Variants in LTBP2 observed in about 807,000 individuals in gnomAD.
The protein encoded by LTBP2 is latent transforming growth factor beta binding protein 2.
LTBP2 carries 103 observed loss-of-function variants against 210.6 expected under a neutral mutation model. The observed-to-expected ratio is 0.49, with a 90% CI of 0.42 to 0.58. The LOEUF is 0.58. LTBP2 is among the 20% of genes least tolerant of loss of function. The probability of loss-of-function intolerance (pLI) is 0.00; values close to 1 mark genes in which losing one functional copy is unlikely to be tolerated. For synonymous variants in LTBP2, 1,007 were observed against 1,015.0 expected (o/e 0.99, Z 0.15); for missense variants, 2,313 against 2,494.5 (o/e 0.93, Z 1.55).
intron 8 of LTBP2, among the ~76,000 whole-genome samples, chr14:74,543,542 C>CTTCCTTCCT (rs1185987542): frequency 7.3e-4 from 89 of 121,816 alleles, no homozygotes; most frequent in African/African-American, 2.7e-3. Flanking sequence ...TCCCTTTTTC[C>CTTCCTTCCT]TCCCTCCCTC....
chr14:74,606,519 C>T (rs2088528974), intron 1 of LTBP2, among the ~76,000 whole-genome samples: 1 of 152,212 alleles, frequency 6.6e-6, no homozygotes, highest in East Asian at 1.9e-4. Flanking sequence ...TTGCATACTC[C>T]AAGACTTCCA....
chr14:74,501,456 G>A lies in LTBP2; in HGVS notation c.5305C>T (p.His1769Tyr). The A allele has an allele frequency of 6.2e-7, 1 of 1,614,138 alleles. No individual in the cohort carries two copies. Among genetic ancestry groups the A allele is most frequent in the Non-Finnish European group, 8.5e-7 (1 of 1,180,028 alleles). ...CFEGFQLDAA[H>Y]MACVDVNECD... ...CTGCACTTACCTACGCAGGCCATGT[G>A]GGCCGCATCCAGCTGGAAGCCCTCA... Residue 1769 changes from histidine (H) to tyrosine (Y), a missense_variant, in exon 35 of 36, where the codon CAC becomes TAC. His to Tyr is a moderately conservative substitution (Grantham distance 83). Coordinates refer to ENST00000261978, the MANE Select transcript of LTBP2 (RefSeq NM_000428.3).
chr14:74,551,728 A>G (rs11625990), intron 6 of LTBP2, among the ~76,000 whole-genome samples: 72,668 of 152,062 alleles, frequency 0.48, 19,481 homozygotes, highest in Non-Finnish European at 0.61. Flanking sequence ...GCCTAACTGC[A>G]GTCCATCCCC....
In LTBP2 at chr14:74,551,364, C is replaced by T. The variant is rs2087654492; in HGVS notation, c.1400-14G>A. On this transcript the variant is annotated splice_polypyrimidine_tract_variant and intron_variant, in intron 6 of 35. Coordinates refer to ENST00000261978, the MANE Select transcript of LTBP2 (RefSeq NM_000428.3). ...GGTTCACGGAGGCTGGGCACAGGGGCTAGAGTCAGAGCCAGGGAAGCAGGG... is the reference window on the plus strand; with the variant it reads ...GGTTCACGGAGGCTGGGCACAGGGGTTAGAGTCAGAGCCAGGGAAGCAGGG... The T allele has an allele frequency of 1.3e-6, 2 of 1,549,540 alleles. No homozygotes were observed. Among genetic ancestry groups the T allele is most frequent in the South Asian group, 1.2e-5 (1 of 80,024 alleles).
intron 8 of LTBP2, among the ~76,000 whole-genome samples, chr14:74,540,848 T>TAAA (rs1555350201): frequency 1.5e-5 from 1 of 68,898 alleles, no homozygotes; most frequent in Admixed American, 2.5e-4. Flanking sequence ...TTTATATATA[T>TAAA]TATATATATT....
rs2139798265 is a variant in LTBP2, at chr14:74,595,054, A to T, written c.565+8581T>A. 2.0e-5 allele frequency among the ~76,000 whole-genome samples: 3 copies of T among 152,308 alleles called. No individual in the cohort carries two copies. In the Middle Eastern group the frequency reaches 0.01, roughly 518 times the overall value. On this transcript the variant is annotated intron_variant, in intron 2 of 35. Coordinates refer to ENST00000261978, the MANE Select transcript of LTBP2 (RefSeq NM_000428.3). ...CAAAATAGCAGTTGTGTTCGCATAA[A>T]ACCTCCTAATGAGAGAAAGATGCCG...
chr14:74,540,818 ATATTT>A (rs2087488211), intron 8 of LTBP2, among the ~76,000 whole-genome samples: 3 of 18,394 alleles, frequency 1.6e-4, no homozygotes, highest in African/African-American at 2.2e-4. Flanking sequence ...TAATATATAT[ATATTT>A]TTATATAATA....
At chr14:74,565,674 T>A (rs538786746) in intron 3 of LTBP2, among the ~76,000 whole-genome samples, 38 of 151,484 alleles carry the variant, frequency 2.5e-4, no homozygotes, top group Non-Finnish European at 4.6e-4. Flanking sequence ...TGGGAGAGAG[T>A]TTTGGGGCTG....
At chr14:74,512,957 A>G (rs2087090387) in intron 18 of LTBP2, among the ~76,000 whole-genome samples, 1 of 152,266 alleles carries the variant, frequency 6.6e-6, no homozygotes, top group African/African-American at 2.4e-5. Flanking sequence ...AGGATGGGCA[A>G]AGCCACTGAG....
At chr14:74,518,627 C>T (rs2087164395) in intron 17 of LTBP2, among the ~76,000 whole-genome samples, 2 of 152,228 alleles carry the variant, frequency 1.3e-5, no homozygotes, top group Non-Finnish European at 2.9e-5. Context: ...CAGCACAGAA[C>T]CCCAATAAGT....
intron 1 of LTBP2, among the ~76,000 whole-genome samples, chr14:74,609,154 C>G (rs574427330): frequency 6.6e-6 from 1 of 152,130 alleles, no homozygotes; most frequent in African/African-American, 2.4e-5. Flanking sequence ...CAGAATGGAC[C>G]AGGGTGGAGG....
intron 17 of LTBP2, among the ~76,000 whole-genome samples, chr14:74,517,807 C>A (rs2087154753): frequency 6.6e-6 from 1 of 152,212 alleles, no homozygotes; most frequent in South Asian, 2.1e-4. Context: ...GTCCCATCAT[C>A]TAAAGCCCAA....
At chr14:74,582,733 G>A (rs1349178873) in intron 3 of LTBP2, among the ~76,000 whole-genome samples, 4 of 152,170 alleles carry the variant, frequency 2.6e-5, no homozygotes, top group South Asian at 2.1e-4. Context: ...TATGGTCCGT[G>A]GCCCAGTAGC....
At position 74,612,026 on chromosome 14, in the gene LTBP2, C is replaced by T; in HGVS notation, c.-82G>A. The stretch of plus-strand genomic sequence containing the variant: ...GCACGCTGGACGCCCGCGGGCTGTT[C>T]TCCCGGCCCCGCCCGGCGGCCAGCT... On this transcript the variant is annotated 5_prime_UTR_variant, in exon 1 of 36. Coordinates refer to ENST00000261978, the MANE Select transcript of LTBP2 (RefSeq NM_000428.3). 7.3e-7 allele frequency: 1 copy of T among 1,367,982 alleles called. No homozygotes were observed. The highest frequency in any genetic ancestry group is 9.5e-7 in the Non-Finnish European group (1 of 1,055,286). 84.7% of individuals were successfully genotyped at this position (1,367,982 alleles called of 1,614,324 possible).
Position 74,588,178 on chromosome 14 carries a change from G to T in LTBP2, c.566-2060C>A, listed in dbSNP as rs548733557. Among the ~76,000 whole-genome samples the T allele has an allele frequency of 5.9e-5, 9 of 152,286 alleles. 1 individual carries two copies. Among genetic ancestry groups the T allele is most frequent in the East Asian group, 1.9e-4 (1 of 5,190 alleles). ...TTGTCGTGTTTGCCATTCACTGGGC[G>T]TGCCCTGCATACTGCCATTAGTTTT... On this transcript the variant is annotated intron_variant, in intron 2 of 35. Transcript: ENST00000261978.
chr14:74,502,962 T>G (rs2086930693), intron 33 of LTBP2, 28 bp from the exon 34 acceptor site: 2 of 1,607,824 alleles, frequency 1.2e-6, no homozygotes, highest in Non-Finnish European at 1.7e-6. Flanking sequence ...GAGAAGGAGC[T>G]GGGTTCTAGC....
chr14:74,506,172 A>G lies in LTBP2; in HGVS notation c.4053T>C (p.Leu1351=). 1 of 1,613,936 alleles carries G rather than the reference A, an allele frequency of 6.2e-7. No homozygotes were observed. The highest frequency in any genetic ancestry group is 2.2e-5 in the East Asian group (1 of 44,834). ...GCGCGGCCCCACATACCGCCAGCAT[A>G]AGCTCACACTCGTTCACATCTGCCA... ...WDCVDVNECE[L]MLAVCGAALC... is the part of the protein sequence containing the mutation. Residue 1351 remains leucine (L), a synonymous_variant, in exon 28 of 36, where the codon CTT becomes CTC. Coordinates refer to ENST00000261978, the MANE Select transcript of LTBP2 (RefSeq NM_000428.3).
intron 22 of LTBP2, 69 bp from the exon 23 acceptor site, chr14:74,509,021 A>G (rs1049277407): frequency 8.7e-6 from 14 of 1,602,892 alleles, no homozygotes; most frequent in African/African-American, 2.7e-5. Flanking sequence ...TCAAGGGGGA[A>G]GTCTCCAGAG....
intron 3 of LTBP2, among the ~76,000 whole-genome samples, chr14:74,557,057 T>A (rs1420178196): frequency 2.0e-5 from 3 of 151,756 alleles, no homozygotes; most frequent in Non-Finnish European, 2.9e-5. Context: ...AGGCCAGGAG[T>A]TCGAGATCAC....
Sources: allele counts gnomAD v4.1 joint callset (sites outside exome capture counted in the v4.1 genomes callset), GRCh38; gene constraint gnomAD v4.1.1; transcripts MANE v1.5; gene names NCBI Gene and HGNC (gene_info 2026-07-23, HGNC 2026-07-21).